The following TRABD2B variants were observed in gnomAD, a reference collection of about 807,000 sequenced individuals.
TRABD2B encodes TraB domain containing 2B, also known as metalloprotease TIKI2.
A neutral mutation model predicts 40.1 loss-of-function variants in TRABD2B; 14 were observed. The observed-to-expected ratio is 0.35, with a 90% CI of 0.23 to 0.55. The LOEUF is 0.55. Ranked by LOEUF, TRABD2B falls within the 20% of genes least tolerant of loss-of-function variation. The pLI, the probability that TRABD2B is intolerant of heterozygous loss-of-function variation, is 0.90. For missense variants in TRABD2B, 541 were observed against 648.6 expected (o/e 0.83, Z 1.80); for synonymous variants, 263 against 277.0 (o/e 0.95, Z 0.50).
chr1:47,808,253 G>A (rs76166232), intron 2 of TRABD2B, among the ~76,000 whole-genome samples: 3,002 of 152,228 alleles, frequency 0.02, 55 homozygotes, highest in Non-Finnish European at 0.033. Flanking sequence ...GGCCTGCCCT[G>A]CAAATTTTAG....
intron 2 of TRABD2B, among the ~76,000 whole-genome samples, chr1:47,905,206 T>C (rs1350788496): frequency 1.3e-5 from 2 of 152,252 alleles, no homozygotes; most frequent in Non-Finnish European, 2.9e-5. Flanking sequence ...ATCTGGCTCA[T>C]GCCTGGAGGG....
chr1:47,971,650 T>C (rs186170767), intron 2 of TRABD2B, among the ~76,000 whole-genome samples: 10 of 152,070 alleles, frequency 6.6e-5, no homozygotes, highest in Non-Finnish European at 1.2e-4. Flanking sequence ...ACACCCACAA[T>C]AGGTACTCAA....
rs1446607657 is a variant in TRABD2B at position 47,930,439 on chromosome 1, C to T, written c.666+63595G>A. 4.6e-5 allele frequency among the ~76,000 whole-genome samples: 7 copies of T among 152,114 alleles called. No individual in the cohort carries two copies. In the East Asian group the frequency reaches 1.4e-3, roughly 29 times the overall value. On this transcript the variant is annotated intron_variant, in intron 2 of 6. Transcript: ENST00000606738. Reference sequence around the variant, plus strand: ...TACTCCTCAGCGCCACATCCTGGAGCAGAACAAGGCCCCTGGTGGCTTAGG... The same window carrying T: ...TACTCCTCAGCGCCACATCCTGGAGTAGAACAAGGCCCCTGGTGGCTTAGG...
At chr1:47,860,213 A>C (rs1177119157) in intron 2 of TRABD2B, among the ~76,000 whole-genome samples, 1 of 152,204 alleles carries the variant, frequency 6.6e-6, no homozygotes, top group Non-Finnish European at 1.5e-5. Flanking sequence ...TCCCTCTCTT[A>C]AAACTCTCCT....
intron 4 of TRABD2B, among the ~76,000 whole-genome samples, chr1:47,790,673 T>C (rs1189472335): frequency 6.6e-6 from 1 of 152,244 alleles, no homozygotes; most frequent in East Asian, 1.9e-4. Flanking sequence ...AGGCTTCCCA[T>C]GGCAGGTCTG....
chr1:47,766,022 C>G lies in TRABD2B; in HGVS notation c.1434G>C (p.Gln478His), dbSNP rs1644297796. Residue 478 changes from glutamine to histidine, a missense_variant, in exon 7 of 7, where the codon CAG becomes CAC. Physicochemically the swap from Gln to His is conservative, Grantham distance 24 (BLOSUM62 0). Around this residue, in one of 2 missense-constraint regions of TRABD2B, gnomAD observed 172 missense variants for 155.8 expected, o/e 1.10. Coordinates refer to ENST00000606738, the MANE Select transcript of TRABD2B (RefSeq NM_001194986.2). The part of the protein sequence containing the change: ...TAKPPFQLSD[Q>H]LQQQDPPGPA... ...GCCCTGGCGGGTCCTGCTGTTGTAG[C>G]TGGTCTGAAAGCTGGAAGGGGGGCT... The G allele has an allele frequency of 1.4e-6, 1 of 695,676 alleles. No individual in the cohort carries two copies. Among genetic ancestry groups the G allele is most frequent in the African/African-American group, 1.8e-5 (1 of 57,132 alleles). 43.1% of individuals were successfully genotyped at this position (695,676 alleles called of 1,614,324 possible).
intron 2 of TRABD2B, among the ~76,000 whole-genome samples, chr1:47,937,141 C>T (rs1351191933): frequency 1.4e-5 from 2 of 147,886 alleles, no homozygotes; most frequent in Non-Finnish European, 3.0e-5. Flanking sequence ...ACCATCATTA[C>T]CACTACCATG....
chr1:47,802,839 T>TTC (rs755207837), intron 2 of TRABD2B, among the ~76,000 whole-genome samples: 2 of 151,962 alleles, frequency 1.3e-5, no homozygotes, highest in Non-Finnish European at 2.9e-5. Flanking sequence ...ATCTGATGAT[T>TTC]TCTCTCTCTC....
chr1:47,991,992 T>C (rs1011461357), intron 2 of TRABD2B, among the ~76,000 whole-genome samples: 16 of 152,182 alleles, frequency 1.1e-4, no homozygotes, highest in Non-Finnish European at 1.9e-4. Context: ...GGAGGAGAGA[T>C]TTCATCGCCT....
chr1:47,935,880 C>G (rs1281545014), intron 2 of TRABD2B, among the ~76,000 whole-genome samples: 2 of 152,246 alleles, frequency 1.3e-5, no homozygotes, highest in Non-Finnish European at 2.9e-5. Flanking sequence ...AAAAAAAGAG[C>G]TTCAACTTTA....
At chr1:47,897,541 T>A (rs1032619219) in intron 2 of TRABD2B, among the ~76,000 whole-genome samples, 1 of 152,174 alleles carries the variant, frequency 6.6e-6, no homozygotes. Flanking sequence ...TGTGTTTTGG[T>A]AAAATGTGAA....
rs759189762 is a variant in TRABD2B at position 47,766,002 on chromosome 1, G to C, written c.1454C>G (p.Pro485Arg). 10 of 698,476 alleles carry C rather than the reference G, an allele frequency of 1.4e-5. No homozygotes were observed. The highest frequency in any genetic ancestry group is 2.6e-5 in the Non-Finnish European group (10 of 382,780). 43.3% of individuals were successfully genotyped at this position (698,476 alleles called of 1,614,324 possible). A position where few individuals can be genotyped will look rare whatever the true frequency, so the allele number is the denominator to read the frequency against. Residue 485 changes from proline (P) to arginine (R), a missense_variant, in exon 7 of 7, where the codon CCA (proline) becomes CGA (arginine). Physicochemically the swap from Pro to Arg is moderately radical, Grantham distance 103. Around this residue, in one of 2 missense-constraint regions of TRABD2B, gnomAD observed 172 missense variants for 155.8 expected, o/e 1.10. Coordinates refer to ENST00000606738, the MANE Select transcript of TRABD2B (RefSeq NM_001194986.2). ...GGGTGCCGAGCTGCTGGCGGGCCCT[G>C]GCGGGTCCTGCTGTTGTAGCTGGTC... ...LSDQLQQQDPPGPASSSAPTL... is the reference protein window; with the variant it reads ...LSDQLQQQDPRGPASSSAPTL...
At chr1:47,779,227 C>A (rs1261877952) in intron 4 of TRABD2B, among the ~76,000 whole-genome samples, 1 of 147,362 alleles carries the variant, frequency 6.8e-6, no homozygotes, top group Non-Finnish European at 1.5e-5. Context: ...CTGGGACTCA[C>A]TGAGGTGTAA....
intron 2 of TRABD2B, among the ~76,000 whole-genome samples, chr1:47,832,843 G>A (rs1480480194): frequency 6.6e-6 from 1 of 152,118 alleles, no homozygotes; most frequent in Non-Finnish European, 1.5e-5. Context: ...AGGCACGGGA[G>A]CTTGTGAGGA....
chr1:47,769,831 C>T (rs905789277), intron 6 of TRABD2B, among the ~76,000 whole-genome samples: 14 of 152,220 alleles, frequency 9.2e-5, no homozygotes. Flanking sequence ...TGCTGTGTGA[C>T]TTTGGCAAGT....
At chr1:47,940,194 A>C (rs1376395708) in intron 2 of TRABD2B, among the ~76,000 whole-genome samples, 2 of 152,176 alleles carry the variant, frequency 1.3e-5, no homozygotes, top group East Asian at 3.9e-4. Flanking sequence ...CTGACTCTTC[A>C]AGATGCAGCC....
At chr1:47,803,539 C>T (rs1644851387) in intron 2 of TRABD2B, among the ~76,000 whole-genome samples, 1 of 152,126 alleles carries the variant, frequency 6.6e-6, no homozygotes, top group African/African-American at 2.4e-5. Context: ...CTAGCCCAGC[C>T]AAGATCAGCA....
chr1:47,773,249 G>C (rs912418332), intron 6 of TRABD2B, among the ~76,000 whole-genome samples: 2 of 152,234 alleles, frequency 1.3e-5, no homozygotes, highest in African/African-American at 4.8e-5. Context: ...CTCCCTGGCA[G>C]CTTGCAAACC....
chr1:47,894,740 A>G (rs998758977), intron 2 of TRABD2B, among the ~76,000 whole-genome samples: 26 of 152,172 alleles, frequency 1.7e-4, no homozygotes, highest in Non-Finnish European at 5.9e-5. Context: ...AGCAGAATGA[A>G]CAAGCCAAGA....
Sources: gnomAD v4.1 joint callset for allele counts (sites outside exome capture counted in the v4.1 genomes callset) on GRCh38, gnomAD v4.1.1 for gene constraint, gnomAD v4.1.1 regional missense constraint, MANE v1.5 for transcripts, NCBI Gene and HGNC (gene_info 2026-07-23, HGNC 2026-07-21) for gene names.